The following TANC1 variants were observed in gnomAD, a reference collection of about 807,000 sequenced individuals.
TANC1 encodes the protein tetratricopeptide repeat, ankyrin repeat and coiled-coil containing 1, also known as protein TANC1.
In TANC1, 77 loss-of-function variants were observed where a neutral mutation model predicts 149.7. The observed-to-expected ratio is 0.51, with a 90% CI of 0.43 to 0.62. The LOEUF (loss-of-function observed/expected upper bound fraction) is 0.62. TANC1 is among the 20% of genes least tolerant of loss of function. The pLI is 0.00. For synonymous variants in TANC1, 854 were observed against 925.0 expected (o/e 0.92, Z 1.39); for missense variants, 1,985 against 2,321.8 (o/e 0.85, Z 2.98).
Position 159,214,258 on chromosome 2 carries a change from G to A in TANC1, c.3245-3239G>A, listed in dbSNP as rs149012077. On this transcript the variant is annotated intron_variant, in intron 19 of 26. Transcript: ENST00000263635. ...AATGAAATTTGGACTAAGCATTTGC[G>A]GAAACTTTGGCCTCTTCATAACTCT... is the stretch of plus-strand genomic sequence containing the variant. Among the ~76,000 whole-genome samples the A allele has an allele frequency of 1.5e-3, 224 of 152,192 alleles. 4 individuals are homozygous for A. In the East Asian group the frequency reaches 0.032, roughly 22 times the overall value.
intron 2 of TANC1, among the ~76,000 whole-genome samples, chr2:159,046,416 C>T (rs566222562): frequency 2.0e-5 from 3 of 152,128 alleles, no homozygotes; most frequent in South Asian, 2.1e-4. Flanking sequence ...TGGTTTCCTT[C>T]GCCTCAATAG....
In TANC1 at chr2:158,993,959, A is replaced by C. The variant is rs114530674; in HGVS notation, c.-125-7121A>C. ...TTTGACACTATCACTCTGGTCATTT[A>C]AAGAGTACTTAAAAATTTAAATCAT... On this transcript the variant is annotated intron_variant, in intron 1 of 26. Transcript: ENST00000263635. Among the ~76,000 whole-genome samples the C allele has an allele frequency of 7.5e-3, 1,140 of 152,342 alleles. 18 individuals are homozygous for C. The highest frequency in any genetic ancestry group is 0.025 in the African/African-American group (1,048 of 41,580).
At chr2:159,188,740 C>T (rs571629462) in intron 16 of TANC1, among the ~76,000 whole-genome samples, 1 of 152,370 alleles carries the variant, frequency 6.6e-6, no homozygotes, top group East Asian at 1.9e-4. Flanking sequence ...CTATGGCCAC[C>T]CTGGCCAAGC....
chr2:159,187,900 A>G (rs1025773190), intron 16 of TANC1, among the ~76,000 whole-genome samples: 2 of 152,242 alleles, frequency 1.3e-5, no homozygotes, highest in African/African-American at 4.8e-5. Flanking sequence ...ATTTATTTTA[A>G]TATGGAAATA....
chr2:159,043,861 G>A (rs531112164), intron 2 of TANC1, among the ~76,000 whole-genome samples: 21 of 152,090 alleles, frequency 1.4e-4, no homozygotes, highest in African/African-American at 5.1e-4. Context: ...GCTCCTTATC[G>A]CTCCTGGAAG....
chr2:159,040,779 T>G (rs2040568502), intron 2 of TANC1, among the ~76,000 whole-genome samples: 1 of 152,236 alleles, frequency 6.6e-6, no homozygotes, highest in Non-Finnish European at 1.5e-5. Flanking sequence ...GTCAAAGTCA[T>G]TCTCCGTCCA....
At chr2:159,177,057 C>G (rs1402828572) in intron 13 of TANC1, among the ~76,000 whole-genome samples, 2 of 151,866 alleles carry the variant, frequency 1.3e-5, no homozygotes, top group Non-Finnish European at 2.9e-5. Context: ...TTACAGGCAT[C>G]TGCCACCATG....
chr2:159,035,407 C>T (rs1017123042), intron 2 of TANC1, among the ~76,000 whole-genome samples: 2 of 152,084 alleles, frequency 1.3e-5, no homozygotes, highest in African/African-American at 4.8e-5. Flanking sequence ...ATCATGGGCC[C>T]AAATGCTGGG....
At chr2:159,012,472 G>A (rs909241769) in intron 2 of TANC1, among the ~76,000 whole-genome samples, 1 of 151,528 alleles carries the variant, frequency 6.6e-6, no homozygotes, top group African/African-American at 2.4e-5. Context: ...ATAGATGGAA[G>A]ACTTCATGTA....
At chr2:159,043,807 A>C (rs757720547) in intron 2 of TANC1, among the ~76,000 whole-genome samples, 4 of 151,960 alleles carry the variant, frequency 2.6e-5, no homozygotes, top group Non-Finnish European at 5.9e-5. Context: ...TCATTCTTCT[A>C]CTCCTTATTC....
chr2:159,126,339 C>T (rs2049452439), intron 4 of TANC1, among the ~76,000 whole-genome samples: 2 of 152,148 alleles, frequency 1.3e-5, no homozygotes, highest in South Asian at 4.1e-4. Flanking sequence ...AAACCTAGGG[C>T]ACCATTCTTA....
chr2:159,154,115 G>A (rs951314248), intron 7 of TANC1, among the ~76,000 whole-genome samples: 1 of 152,126 alleles, frequency 6.6e-6, no homozygotes, highest in South Asian at 2.1e-4. Flanking sequence ...AGAGGCTTTG[G>A]GGGTGGACTG....
At chr2:159,159,670 C>A (rs2150376851) in intron 7 of TANC1, among the ~76,000 whole-genome samples, 1 of 149,612 alleles carries the variant, frequency 6.7e-6, no homozygotes, top group East Asian at 2.0e-4. Flanking sequence ...TTAGCTATAC[C>A]ACTAATTGTG....
intron 4 of TANC1, among the ~76,000 whole-genome samples, chr2:159,098,554 C>T (rs1363805947): frequency 2.6e-5 from 4 of 152,068 alleles, no homozygotes; most frequent in African/African-American, 9.7e-5. Flanking sequence ...TTATTACTAC[C>T]TAGTATATAC....
At chr2:159,109,765 G>T (rs1013331352) in intron 4 of TANC1, among the ~76,000 whole-genome samples, 1 of 152,136 alleles carries the variant, frequency 6.6e-6, no homozygotes. Flanking sequence ...AGCCCTCTCA[G>T]TTGTCAGGCT....
chr2:159,060,129 A>G (rs1158554053), intron 2 of TANC1: 2 of 964,836 alleles, frequency 2.1e-6, no homozygotes, highest in Admixed American at 6.2e-5. Context: ...CAGACTAACT[A>G]CGTTTTAAGA....
At position 159,163,409 on chromosome 2, in the gene TANC1, C is replaced by T; in HGVS notation, c.809C>T (p.Ser270Phe). ...VLHDRRADNC[S>F]PVAEEETTGS... ...CATGACCGCAGGGCAGATAACTGCT[C>T]CCCAGTGGCAGAAGAGGAGACCACC... The change falls in exon 8 of 27, where the codon TCC becomes TTC. Residue 270 changes from serine to phenylalanine, a missense_variant. Ser to Phe is a radical substitution (Grantham distance 155, BLOSUM62 -2). Around this residue, in one of 3 missense-constraint regions of TANC1, gnomAD observed 557 missense variants for 612.9 expected, o/e 0.91. Transcript: ENST00000263635. 6.2e-7 allele frequency: 1 copy of T among 1,614,172 alleles called. No homozygotes were observed. Among genetic ancestry groups the T allele is most frequent in the Non-Finnish European group, 8.5e-7 (1 of 1,180,030 alleles).
At chr2:159,193,699 T>C (rs976267297) in intron 16 of TANC1, among the ~76,000 whole-genome samples, 5 of 152,154 alleles carry the variant, frequency 3.3e-5, no homozygotes, top group African/African-American at 1.2e-4. Context: ...AATTTTTGTA[T>C]TTTTAGTAGA....
intron 3 of TANC1, among the ~76,000 whole-genome samples, chr2:159,096,731 A>C (rs560300530): frequency 6.6e-6 from 1 of 152,308 alleles, no homozygotes; most frequent in African/African-American, 2.4e-5. Flanking sequence ...CAGGTAACTA[A>C]AGGTGACTTA....
Sources: allele counts gnomAD v4.1 joint callset (sites outside exome capture counted in the v4.1 genomes callset), GRCh38; gene constraint gnomAD v4.1.1; regional missense constraint gnomAD v4.1.1; transcripts MANE v1.5; gene names NCBI Gene and HGNC (gene_info 2026-07-23, HGNC 2026-07-21).